LDLRAD4: variants seen among roughly 807,000 people sequenced by gnomAD.
The protein encoded by LDLRAD4 is low density lipoprotein receptor class A domain containing 4, also known as low-density lipoprotein receptor class A domain-containing protein 4.
In LDLRAD4, 5 loss-of-function variants were observed where a neutral mutation model predicts 17.0. The ratio of observed to expected loss-of-function variants is 0.29; its 90% CI spans 0.15 to 0.62. The LOEUF is 0.62. LDLRAD4 is among the 20% of genes least tolerant of loss of function. The probability of loss-of-function intolerance (pLI) is 0.84; values close to 1 mark genes in which losing one functional copy is unlikely to be tolerated. For missense variants in LDLRAD4, 340 were observed against 424.7 expected (o/e 0.80, Z 1.75); for synonymous variants, 168 against 171.8 (o/e 0.98, Z 0.17).
chr18:13,411,973 G>T (rs899464393), intron 2 of LDLRAD4, among the ~76,000 whole-genome samples: 1 of 152,020 alleles, frequency 6.6e-6, no homozygotes. Context: ...CTCTTGAGTA[G>T]CTGATTACAG....
intron 3 of LDLRAD4, among the ~76,000 whole-genome samples, chr18:13,443,419 C>T (rs191421025): frequency 1.3e-5 from 2 of 152,316 alleles, no homozygotes; most frequent in African/African-American, 4.8e-5. Context: ...ATAACCTGGG[C>T]TTGCAAATGC....
chr18:13,540,629 A>G (rs939019260), intron 3 of LDLRAD4, among the ~76,000 whole-genome samples: 1 of 152,206 alleles, frequency 6.6e-6, no homozygotes, highest in African/African-American at 2.4e-5. Context: ...GTCTGCTTCA[A>G]CATCTGCTGG....
intron 3 of LDLRAD4, chr18:13,614,185 G>A (rs1181918496): frequency 6.6e-6 from 1 of 152,210 alleles, no homozygotes; most frequent in East Asian, 1.9e-4. Flanking sequence ...TGCCAACTTT[G>A]TGCCAGGCAC....
chr18:13,591,035 G>T (rs1355536773), intron 3 of LDLRAD4, among the ~76,000 whole-genome samples: 1 of 152,094 alleles, frequency 6.6e-6, no homozygotes, highest in Admixed American at 6.6e-5. Flanking sequence ...TCATGTGTGG[G>T]TTTTAGTGGC....
In LDLRAD4 at chr18:13,645,725, G is replaced by A; in HGVS notation, c.*68G>A. ...GGGAAGCGGCCGCTGGGCCCCTCCT[G>A]CGCACAGTGTTGTTCAGTTTCACAT... is the stretch of plus-strand genomic sequence containing the variant. On this transcript the variant is annotated 3_prime_UTR_variant, in exon 6 of 6. Coordinates refer to ENST00000359446, the Ensembl canonical transcript of LDLRAD4. This position sits in a 1 kb window ranked among gnomAD's most constrained non-coding sequence, Gnocchi z 5.7. 7.8e-7 allele frequency: 1 copy of A among 1,282,018 alleles called. No homozygotes were observed. The highest frequency in any genetic ancestry group is 1.1e-6 in the Non-Finnish European group (1 of 931,580). 79.4% of individuals were successfully genotyped at this position (1,282,018 alleles called of 1,614,324 possible). A position where few individuals can be genotyped will look rare whatever the true frequency, so the allele number is the denominator to read the frequency against.
At chr18:13,605,803 G>T (rs1294085923) in intron 3 of LDLRAD4, among the ~76,000 whole-genome samples, 1 of 152,174 alleles carries the variant, frequency 6.6e-6, no homozygotes, top group African/African-American at 2.4e-5. Context: ...TCCTCGTGGT[G>T]GTATGCTGGC....
intron 1 of LDLRAD4, among the ~76,000 whole-genome samples, chr18:13,230,185 A>G (rs951100860): frequency 4.6e-5 from 7 of 152,180 alleles, no homozygotes; most frequent in Non-Finnish European, 7.3e-5. Context: ...TCTATGAAGA[A>G]TGGGCCCTCA....
intron 1 of LDLRAD4, among the ~76,000 whole-genome samples, chr18:13,378,611 GA>G (rs1212831471): frequency 3.3e-5 from 5 of 151,916 alleles, no homozygotes; most frequent in Middle Eastern, 3.2e-3. Flanking sequence ...ATGAAAACAT[GA>G]AAAAAAGCCA....
intron 3 of LDLRAD4, among the ~76,000 whole-genome samples, chr18:13,583,994 T>C (rs1371975272): frequency 6.6e-6 from 1 of 152,010 alleles, no homozygotes; most frequent in Non-Finnish European, 1.5e-5. Flanking sequence ...TGGCTTCCCT[T>C]GAGGACCACC....
At chr18:13,562,504 G>C (rs2094551858) in intron 3 of LDLRAD4, among the ~76,000 whole-genome samples, 1 of 152,170 alleles carries the variant, frequency 6.6e-6, no homozygotes, top group Non-Finnish European at 1.5e-5. Flanking sequence ...GTGATTATTT[G>C]ATACATGTAT....
chr18:13,467,422 A>T (rs760471106), intron 3 of LDLRAD4, among the ~76,000 whole-genome samples: 74 of 152,366 alleles, frequency 4.9e-4, no homozygotes, highest in Non-Finnish European at 7.9e-4. Flanking sequence ...TAAAATACCT[A>T]GAAGTAAATT....
At chr18:13,217,791 T>A (rs2041241698), upstream of LDLRAD4, 2 of 151,038 alleles carry the variant, frequency 1.3e-5, no homozygotes, top group Non-Finnish European at 3.0e-5. This position sits in a 1 kb window ranked among gnomAD's most constrained non-coding sequence, Gnocchi z 4.9. Context: ...GCGTTGGCCC[T>A]GCCCGCTCCG....
At chr18:13,223,603 G>C (rs896887397) in intron 1 of LDLRAD4, among the ~76,000 whole-genome samples, 1 of 152,210 alleles carries the variant, frequency 6.6e-6, no homozygotes, top group Non-Finnish European at 1.5e-5. Context: ...CTCTGCTTCC[G>C]AAGGCAGCCG....
At chr18:13,458,053 TC>T (rs1459765921) in intron 3 of LDLRAD4, among the ~76,000 whole-genome samples, 1 of 152,148 alleles carries the variant, frequency 6.6e-6, no homozygotes, top group Non-Finnish European at 1.5e-5. Context: ...AATGGTGAGT[TC>T]GGTAGGCCAA....
At chr18:13,263,426 C>T (rs2044030406) in intron 1 of LDLRAD4, among the ~76,000 whole-genome samples, 2 of 152,178 alleles carry the variant, frequency 1.3e-5, no homozygotes, top group Admixed American at 6.5e-5. Context: ...TCTCAGGGAT[C>T]CTCAGGGCAG....
At chr18:13,566,624 G>A (rs1447458116) in intron 3 of LDLRAD4, among the ~76,000 whole-genome samples, 3 of 152,178 alleles carry the variant, frequency 2.0e-5, no homozygotes, top group Admixed American at 1.3e-4. Context: ...GCCTCCCAAA[G>A]CGGTGGGATT....
intron 1 of LDLRAD4, among the ~76,000 whole-genome samples, chr18:13,334,188 TTCA>T (rs2081996069): frequency 6.6e-6 from 1 of 152,222 alleles, no homozygotes; most frequent in African/African-American, 2.4e-5. Flanking sequence ...TATTTTAAAT[TTCA>T]TATTTCATTT....
At position 13,333,262 on chromosome 18, in the gene LDLRAD4, T is replaced by G. The variant is rs1204133460; in HGVS notation, c.-382-54079T>G. The stretch of plus-strand genomic sequence containing the variant: ...TTTGTCCTATTTTTAAATTGGGTTG[T>G]TTGTTTTCTTATTTTTGAGTTTTAA... On this transcript the variant is annotated intron_variant, in intron 1 of 5. Transcript: ENST00000359446. Among the ~76,000 whole-genome samples the G allele has an allele frequency of 2.6e-5, 4 of 152,226 alleles. No homozygotes were observed. In the East Asian group the frequency reaches 5.8e-4, roughly 22 times the overall value.
intron 1 of LDLRAD4, among the ~76,000 whole-genome samples, chr18:13,335,701 CT>C (rs2082071216): frequency 6.6e-6 from 1 of 152,104 alleles, no homozygotes; most frequent in Admixed American, 6.6e-5. Context: ...GGTCTTTTTG[CT>C]TGAAGGAATG....
Sources: gnomAD v4.1 joint callset for allele counts (sites outside exome capture counted in the v4.1 genomes callset) on GRCh38, gnomAD v4.1.1 for gene constraint, Gnocchi (gnomAD v3.1) non-coding constraint, MANE v1.5 for transcripts, NCBI Gene and HGNC (gene_info 2026-07-23, HGNC 2026-07-21) for gene names.